Variants in MBOAT7 observed in about 807,000 individuals in gnomAD.
The protein encoded by MBOAT7 is membrane bound acylglycerophosphatidylinositol O-acyltransferase MBOAT7, also known as membrane-bound acylglycerophosphatidylinositol O-acyltransferase MBOAT7.
MBOAT7 carries 40 observed loss-of-function variants against 47.4 expected under a neutral mutation model. That is an observed-to-expected ratio of 0.84 (90% CI 0.66 to 1.10). The LOEUF (loss-of-function observed/expected upper bound fraction) is 1.10, where lower values mean the gene tolerates loss of function less well. Among genes scored for constraint, MBOAT7 ranks in the 50% least tolerant of loss-of-function variants. MBOAT7 has a pLI of 0.00. For missense variants in MBOAT7, 680 were observed against 655.6 expected (o/e 1.04, Z -0.41); for synonymous variants, 361 against 292.0 (o/e 1.24, Z -2.41).
chr19:54,188,167 G>A, intron 3 of MBOAT7, 50 bp downstream of exon 3: 1 of 1,531,544 alleles, frequency 6.5e-7, no homozygotes, highest in Non-Finnish European at 8.8e-7. Flanking sequence ...GAAACAGGTT[G>A]CTTCCCCCTC....
Position 54,180,952 on chromosome 19 carries a change from G to T in MBOAT7, c.675C>A (p.Arg225=), listed in dbSNP as rs2076249919. ...EAVREDAFYA[R]PLPARLFYMI... ...TGTAGAAGAGGCGGGCGGGCAGCGG[G>T]CGGGCGTAGAAGGCGTCCTCGCGCA... Residue 225 remains arginine, a synonymous_variant, in exon 6 of 8, where the codon CGC becomes CGA. Transcript: ENST00000245615. This position sits in a 1 kb window ranked among gnomAD's most constrained non-coding sequence, Gnocchi z 5.2. 1.3e-6 allele frequency: 2 copies of T among 1,582,282 alleles called. No homozygotes were observed. The highest frequency in any genetic ancestry group is 2.3e-5 in the South Asian group (2 of 87,056).
intron 7 of MBOAT7, 113 bp downstream of exon 7, chr19:54,178,652 T>TTCCCATGAG: frequency 6.8e-7 from 1 of 1,474,508 alleles, no homozygotes; most frequent in Non-Finnish European, 9.0e-7. Flanking sequence ...CAAACTACAA[T>TTCCCATGAG]TCCCATGAGC....
chr19:54,188,493 A>G lies in MBOAT7; in HGVS notation c.16T>C (p.Trp6Arg), dbSNP rs1281587491. The G allele has an allele frequency of 6.4e-7, 1 of 1,553,518 alleles. No individual in the cohort carries two copies. The highest frequency in any genetic ancestry group is 8.7e-7 in the Non-Finnish European group (1 of 1,147,762). The stretch of plus-strand genomic sequence containing the variant: ...ATAAGAAGAACCACTAGATACGTCC[A>G]TTCTTCAGGCGACATGGTCTGGGGG... The part of the protein sequence containing the change: MSPEE[W>R]TYLVVLLISI... Residue 6 changes from tryptophan to arginine, a missense_variant, in exon 2 of 8, where the codon TGG (tryptophan) becomes CGG (arginine). Trp to Arg is a moderately radical substitution (Grantham distance 101). Coordinates refer to ENST00000245615, the MANE Select transcript of MBOAT7 (RefSeq NM_024298.5).
Position 54,173,870 on chromosome 19 carries a change from G to T in MBOAT7, c.*174C>A. The T allele has an allele frequency of 1.4e-6, 1 of 712,502 alleles. No homozygotes were observed. The highest frequency in any genetic ancestry group is 2.2e-6 in the Non-Finnish European group (1 of 456,768). 44.1% of individuals were successfully genotyped at this position (712,502 alleles called of 1,614,324 possible). On this transcript the variant is annotated 3_prime_UTR_variant, in exon 8 of 8. Transcript: ENST00000245615. Reference sequence around the variant, plus strand: ...TAGGAGTGGAGGTGGCCTCTGGGCAGAGGGCAGGGAGGACACCCCCGGGTC... The same window carrying T: ...TAGGAGTGGAGGTGGCCTCTGGGCATAGGGCAGGGAGGACACCCCCGGGTC...
In MBOAT7 at chr19:54,178,924, G is replaced by T. The variant is rs1477562620; in HGVS notation, c.872C>A (p.Ser291Tyr). The T allele has an allele frequency of 3.1e-6, 5 of 1,612,970 alleles. No individual in the cohort carries two copies. The highest frequency in any genetic ancestry group is 1.6e-4 in the Middle Eastern group (1 of 6,080). Residue 291 changes from serine to tyrosine, a missense_variant, in exon 7 of 8, where the codon TCC becomes TAC. By Grantham distance (144) the Ser-to-Tyr change is moderately radical. Coordinates refer to ENST00000245615, the MANE Select transcript of MBOAT7 (RefSeq NM_024298.5). ...PPPSSPEKAASLEYDYETIRN... is the reference protein window; with the variant it reads ...PPPSSPEKAAYLEYDYETIRN... ...GATGGTCTCATAGTCATACTCCAAG[G>T]AAGCCGCCTTCTCCGGACTGGGGGG...
At position 54,173,422 on chromosome 19, in the gene MBOAT7, C is replaced by T. The variant is rs370644516; in HGVS notation, c.*622G>A. ...CCTGCACGGACACGATGCCTTTGTG[C>T]AACACTTTATTGGGAAAGATTTACA... On this transcript the variant is annotated 3_prime_UTR_variant, in exon 8 of 8. Coordinates refer to ENST00000245615, the MANE Select transcript of MBOAT7 (RefSeq NM_024298.5). The T allele has an allele frequency of 3.4e-5, 11 of 322,110 alleles. No individual in the cohort carries two copies. Among genetic ancestry groups the T allele is most frequent in the African/African-American group, 2.2e-4 (10 of 46,082 alleles). 20.0% of individuals were successfully genotyped at this position (322,110 alleles called of 1,614,324 possible).
At chr19:54,178,583 A>G in intron 7 of MBOAT7, 182 bp downstream of exon 7, 2 of 1,424,782 alleles carry the variant, frequency 1.4e-6, no homozygotes, top group Admixed American at 3.0e-5. Context: ...CGAGAGGGGG[A>G]ACGATTTTAC....
chr19:54,178,232 C>G, intron 7 of MBOAT7: 1 of 990,394 alleles, frequency 1.0e-6, no homozygotes, highest in Non-Finnish European at 1.2e-6. Flanking sequence ...CTAAAGGCTG[C>G]ACAGATAACA....
intron 7 of MBOAT7, 59 bp from the exon 8 acceptor site, chr19:54,174,490 C>G: frequency 1.4e-6 from 2 of 1,455,872 alleles, no homozygotes; most frequent in Non-Finnish European, 1.8e-6. Context: ...CCCACTGCCC[C>G]CAGATCCAGG....
chr19:54,177,802 A>G (rs2076148943), intron 7 of MBOAT7, among the ~76,000 whole-genome samples: 1 of 145,820 alleles, frequency 6.9e-6, no homozygotes, highest in African/African-American at 2.6e-5. Flanking sequence ...GGTCTTCACC[A>G]TATTGCCCTG....
chr19:54,176,038 G>C (rs1462217177), intron 7 of MBOAT7, among the ~76,000 whole-genome samples: 1 of 152,100 alleles, frequency 6.6e-6, no homozygotes, highest in African/African-American at 2.4e-5. Context: ...TGTATTTTTA[G>C]TAGAGATGGG....
At chr19:54,175,186 G>T (rs866373375) in intron 7 of MBOAT7, among the ~76,000 whole-genome samples, 7 of 152,074 alleles carry the variant, frequency 4.6e-5, no homozygotes, top group East Asian at 1.9e-4. Context: ...CACCGTGTTA[G>T]CCAGGATGGT....
At chr19:54,187,122 C>A in intron 4 of MBOAT7, 39 bp downstream of exon 4, 1 of 1,532,144 alleles carries the variant, frequency 6.5e-7, no homozygotes, top group African/African-American at 1.4e-5. Context: ...AAGGGGCCCA[C>A]AGGGAGGCTG....
Position 54,173,824 on chromosome 19 carries a change from CT to C in MBOAT7, c.*219del. 1.9e-6 allele frequency: 1 copy of C among 521,426 alleles called. No individual in the cohort carries two copies. The highest frequency in any genetic ancestry group is 3.3e-6 in the Non-Finnish European group (1 of 304,436). The allele number at this position is 521,426 out of a possible 1,614,324, so 32.3% of individuals were successfully genotyped here. A position where few individuals can be genotyped will look rare whatever the true frequency, so the allele number is the denominator to read the frequency against. ...TGGAGCAGGGGCCAGTGACTCTTGT[CT>C]GGACAATACTTTGATTTTGTAGGAG... is the stretch of plus-strand genomic sequence containing the variant. On this transcript the variant is annotated 3_prime_UTR_variant, in exon 8 of 8. Coordinates refer to ENST00000245615, the MANE Select transcript of MBOAT7 (RefSeq NM_024298.5).
chr19:54,183,693 G>C lies in MBOAT7; in HGVS notation c.334-13C>G. 6.5e-7 allele frequency: 1 copy of C among 1,532,588 alleles called. No individual in the cohort carries two copies. Among genetic ancestry groups the C allele is most frequent in the Non-Finnish European group, 8.8e-7 (1 of 1,141,012 alleles). The allele number at this position is 1,532,588 out of a possible 1,614,324, so 94.9% of individuals were successfully genotyped here. ...CCAGGCTCACCAGCTGGGCAGAAGG[G>C]GGTGGGCAAGGGGCCAGGTCAGACT... On this transcript the variant is annotated splice_polypyrimidine_tract_variant and intron_variant, in intron 4 of 7. Coordinates refer to ENST00000245615, the MANE Select transcript of MBOAT7 (RefSeq NM_024298.5).
At chr19:54,188,141 A>C (rs903826946) in intron 3 of MBOAT7, 76 bp downstream of exon 3, 1 of 1,455,330 alleles carries the variant, frequency 6.9e-7, no homozygotes, top group African/African-American at 1.4e-5. Flanking sequence ...GCAGAAGCTG[A>C]AAAAGACTCA....
intron 6 of MBOAT7, chr19:54,179,352 CA>C: frequency 4.7e-6 from 1 of 212,822 alleles, no homozygotes. Context: ...TCCCTAATAA[CA>C]AGGTGCTTCA....
intron 5 of MBOAT7, among the ~76,000 whole-genome samples, chr19:54,182,505 G>T (rs35726240): frequency 0.79 from 117,132 of 148,572 alleles, 46,346 homozygotes; most frequent in African/African-American, 0.85. Context: ...TTTGTGTTTT[G>T]TTTTTTTTCA....
At position 54,180,590 on chromosome 19, in the gene MBOAT7, A is replaced by G. The variant is rs918460674; in HGVS notation, c.854+183T>C. 3.3e-6 allele frequency: 2 copies of G among 605,168 alleles called. No individual in the cohort carries two copies. The highest frequency in any genetic ancestry group is 6.3e-5 in the Admixed American group (2 of 31,972). 37.5% of individuals were successfully genotyped at this position (605,168 alleles called of 1,614,324 possible). The stretch of plus-strand genomic sequence containing the variant: ...CTAGCAACAAGGGGCATCTGTCAGT[A>G]CCAGGGATCTTTTCCCTACCGACAG... On this transcript the variant is annotated intron_variant, in intron 6 of 7. Coordinates refer to ENST00000245615, the MANE Select transcript of MBOAT7 (RefSeq NM_024298.5). This position sits in a 1 kb window ranked among gnomAD's most constrained non-coding sequence, Gnocchi z 5.2.
Sources: allele counts gnomAD v4.1 joint callset (sites outside exome capture counted in the v4.1 genomes callset), GRCh38; gene constraint gnomAD v4.1.1; non-coding constraint Gnocchi (gnomAD v3.1); transcripts MANE v1.5; gene names NCBI Gene and HGNC (gene_info 2026-07-23, HGNC 2026-07-21).